ZNF675: variants seen among roughly 807,000 people sequenced by gnomAD.
The protein encoded by ZNF675 is zinc finger protein 675, also known as TRAF6 inhibitory zinc finger.
ZNF675 carries 36 observed loss-of-function variants against 56.1 expected under a neutral mutation model. The ratio of observed to expected loss-of-function variants is 0.64; its 90% confidence interval spans 0.49 to 0.85. The LOEUF is 0.85. Ranked by LOEUF, ZNF675 falls within the 40% of genes least tolerant of loss-of-function variation. The pLI, the probability that ZNF675 is intolerant of heterozygous loss-of-function variation, is 0.00. For synonymous variants in ZNF675, 200 were observed against 218.9 expected (o/e 0.91, Z 0.76); for missense variants, 663 against 654.2 (o/e 1.01, Z -0.15).
intron 1 of ZNF675, among the ~76,000 whole-genome samples, chr19:23,666,763 T>C (rs1444804152): frequency 4.0e-5 from 4 of 101,108 alleles, no homozygotes; most frequent in Non-Finnish European, 6.7e-5. Context: ...TACAGGGAAG[T>C]CTTTCTCTCT....
chr19:23,682,433 T>C (rs1968389091), intron 1 of ZNF675, among the ~76,000 whole-genome samples: 2 of 151,830 alleles, frequency 1.3e-5, no homozygotes, highest in South Asian at 4.1e-4. Context: ...ATAACTTTAA[T>C]TTTACAAAAT....
intron 1 of ZNF675, among the ~76,000 whole-genome samples, chr19:23,672,366 C>T (rs752002460): frequency 6.6e-6 from 1 of 152,270 alleles, no homozygotes; most frequent in South Asian, 2.1e-4. Context: ...TTTACACTTA[C>T]AGATTCTGTA....
intron 3 of ZNF675, among the ~76,000 whole-genome samples, chr19:23,658,946 G>T (rs1361165732): frequency 1.4e-4 from 2 of 14,566 alleles, no homozygotes; most frequent in Middle Eastern, 0.062. Flanking sequence ...TATAGATATA[G>T]ATCTCTAGAG....
intron 1 of ZNF675, among the ~76,000 whole-genome samples, chr19:23,672,762 G>A (rs1292115435): frequency 6.6e-6 from 1 of 152,284 alleles, no homozygotes; most frequent in East Asian, 1.9e-4. Context: ...AGACAGTTTT[G>A]GGAGGACCAA....
At chr19:23,676,307 T>A (rs1968293784) in intron 1 of ZNF675, among the ~76,000 whole-genome samples, 1 of 151,766 alleles carries the variant, frequency 6.6e-6, no homozygotes, top group African/African-American at 2.4e-5. Flanking sequence ...TTACTAAAAC[T>A]ATTCCAAATA....
At chr19:23,679,997 C>A (rs11882610) in intron 1 of ZNF675, among the ~76,000 whole-genome samples, 74,693 of 146,708 alleles carry the variant, frequency 0.51, 20,632 homozygotes, top group Non-Finnish European at 0.62. Flanking sequence ...TACCCCCCCC[C>A]AAAAAAAAAC....
intron 2 of ZNF675, 111 bp from the exon 3 acceptor site, chr19:23,662,320 C>T: frequency 1.4e-6 from 1 of 703,504 alleles, no homozygotes; most frequent in Non-Finnish European, 2.3e-6. Flanking sequence ...AAATTAATCC[C>T]AAAATACTGA....
intron 3 of ZNF675, among the ~76,000 whole-genome samples, chr19:23,660,079 T>C (rs566693278): frequency 2.6e-5 from 4 of 152,296 alleles, no homozygotes; most frequent in African/African-American, 9.6e-5. Flanking sequence ...AGCAAAATCC[T>C]CTGCCAAAAT....
chr19:23,666,282 T>C (rs999693661), intron 1 of ZNF675, among the ~76,000 whole-genome samples: 1 of 152,234 alleles, frequency 6.6e-6, no homozygotes, highest in African/African-American at 2.4e-5. Flanking sequence ...AGTGACACTT[T>C]GTAACTTCAC....
At chr19:23,655,527 G>C (rs900985055) in intron 3 of ZNF675, 1 of 151,526 alleles carries the variant, frequency 6.6e-6, no homozygotes, top group Non-Finnish European at 1.5e-5. Flanking sequence ...AATTAACAGA[G>C]TGTAAACTTA....
At chr19:23,678,703 G>A (rs1384795363) in intron 1 of ZNF675, among the ~76,000 whole-genome samples, 2 of 148,950 alleles carry the variant, frequency 1.3e-5, no homozygotes, top group African/African-American at 5.2e-5. Flanking sequence ...AGTAACCAAA[G>A]CAGCATGGTA....
In ZNF675 at chr19:23,653,152, T is replaced by G. The variant is rs1367638670; in HGVS notation, c.*74A>C. 1.4e-5 allele frequency: 19 copies of G among 1,355,782 alleles called. No homozygotes were observed. Among genetic ancestry groups the G allele is most frequent in the Non-Finnish European group, 1.9e-5 (19 of 995,970 alleles). The allele number at this position is 1,355,782 out of a possible 1,614,324, so 84.0% of individuals were successfully genotyped here. On this transcript the variant is annotated 3_prime_UTR_variant, in exon 4 of 4. Transcript: ENST00000359788. Reference sequence around the variant, plus strand: ...CATTTAAAGTCTTTGACACATTCTTTACATTTCTAGAATTTTTCACCAGTA... The same window carrying G: ...CATTTAAAGTCTTTGACACATTCTTGACATTTCTAGAATTTTTCACCAGTA...
chr19:23,687,128 G>A lies in ZNF675; in HGVS notation c.-95C>T, dbSNP rs1051055548. The A allele has an allele frequency of 1.5e-5, 23 of 1,504,610 alleles. No homozygotes were observed. The Admixed American group carries it at 3.2e-4, about 21-fold the overall frequency. 93.2% of individuals were successfully genotyped at this position (1,504,610 alleles called of 1,614,324 possible). A position where few individuals can be genotyped will look rare whatever the true frequency, so the allele number is the denominator to read the frequency against. On this transcript the variant is annotated 5_prime_UTR_variant, in exon 1 of 4. Transcript: ENST00000359788. ...AGAGGCTGGACCTCTAGGAGCAGAG[G>A]ACACAGAGCAATGAAAGCGAGACCT...
chr19:23,666,228 C>A (rs1968148873), intron 1 of ZNF675, among the ~76,000 whole-genome samples: 1 of 152,242 alleles, frequency 6.6e-6, no homozygotes, highest in African/African-American at 2.4e-5. Context: ...TGGCTGTCCA[C>A]AACCATTCAG....
intron 1 of ZNF675, among the ~76,000 whole-genome samples, chr19:23,668,522 C>T (rs1328757510): frequency 1.3e-5 from 2 of 152,216 alleles, no homozygotes; most frequent in Non-Finnish European, 2.9e-5. Flanking sequence ...CTGCGCCATG[C>T]GCTCACACTC....
intron 3 of ZNF675, among the ~76,000 whole-genome samples, chr19:23,661,444 A>T (rs1213804551): frequency 4.0e-5 from 6 of 151,698 alleles, no homozygotes; most frequent in African/African-American, 1.5e-4. Flanking sequence ...TAATCCCAGC[A>T]CTTTGAGAAG....
Position 23,653,510 on chromosome 19 carries a change from A to AATGAATTTTCTTAT in ZNF675, c.1409_1422dup (p.Ser475IlefsTer59), listed in dbSNP as rs1967938372. On this transcript the variant is annotated frameshift_variant, in exon 4 of 4. Coordinates refer to ENST00000359788, the MANE Select transcript of ZNF675 (RefSeq NM_138330.3). LOFTEE classifies it high-confidence loss of function. ...TCACACTTGTAGGGTATCTCTCCAG[A>AATGAATTTTCTTAT]ATGAATTTTCTTATGTTCAGTAAGT... 1 of 1,591,630 alleles carries AATGAATTTTCTTAT rather than the reference A, an allele frequency of 6.3e-7. No individual in the cohort carries two copies. The highest frequency in any genetic ancestry group is 1.5e-5 in the African/African-American group (1 of 68,034).
At chr19:23,662,288 G>C in intron 2 of ZNF675, 79 bp from the exon 3 acceptor site, 1 of 943,828 alleles carries the variant, frequency 1.1e-6, no homozygotes. Context: ...TCAGTAAAGA[G>C]AATGTAATGG....
In ZNF675 at chr19:23,663,104, A is replaced by G; in HGVS notation, c.58T>C (p.Cys20Arg). The G allele has an allele frequency of 6.2e-7, 1 of 1,610,982 alleles. No homozygotes were observed. Among genetic ancestry groups the G allele is most frequent in the South Asian group, 1.1e-5 (1 of 90,660 alleles). The change falls in exon 2 of 4, where the codon TGC (cysteine) becomes CGC (arginine). Residue 20 changes from cysteine (C) to arginine (R), a missense_variant. Coordinates refer to ENST00000359788, the MANE Select transcript of ZNF675 (RefSeq NM_138330.3). Reference sequence around the variant, plus strand: ...AAATTCCGCTGTGCAGTGTCCAGGCATTGCCATTCTTCCAGAGAGAATTCT... The same window carrying G: ...AAATTCCGCTGTGCAGTGTCCAGGCGTTGCCATTCTTCCAGAGAGAATTCT... ...AIEFSLEEWQ[C>R]LDTAQRNLYK...
Sources: gnomAD v4.1 joint callset for allele counts (sites outside exome capture counted in the v4.1 genomes callset) on GRCh38, gnomAD v4.1.1 for gene constraint, MANE v1.5 for transcripts, NCBI Gene and HGNC (gene_info 2026-07-23, HGNC 2026-07-21) for gene names.